The following NUP210 variants were observed in gnomAD, a reference collection of about 807,000 sequenced individuals.
NUP210 encodes the protein nucleoporin 210.
Under a neutral mutation model 196.0 loss-of-function variants are expected in NUP210, and 151 were observed. The observed-to-expected ratio is 0.77, with a 90% CI of 0.67 to 0.88. The LOEUF is 0.88. NUP210 is among the 40% of genes least tolerant of loss of function. The probability of loss-of-function intolerance (pLI) is 0.00; values close to 1 mark genes in which losing one functional copy is unlikely to be tolerated. For synonymous variants in NUP210, 1,070 were observed against 1,052.7 expected (o/e 1.02, Z -0.32); for missense variants, 2,314 against 2,493.7 (o/e 0.93, Z 1.53).
intron 16 of NUP210, among the ~76,000 whole-genome samples, chr3:13,355,621 A>G (rs1698143676): frequency 6.6e-6 from 1 of 152,220 alleles, no homozygotes; most frequent in Non-Finnish European, 1.5e-5. Flanking sequence ...GGCTCCTCCC[A>G]ACTCCTTCTA....
At position 13,336,791 on chromosome 3, in the gene NUP210, T is replaced by C; in HGVS notation, c.3680A>G (p.His1227Arg). The C allele has an allele frequency of 6.2e-7, 1 of 1,613,024 alleles. No individual in the cohort carries two copies. The highest frequency in any genetic ancestry group is 8.5e-7 in the Non-Finnish European group (1 of 1,179,484). ...CTGGAGGGGGTGGTTACCTACCTCG[T>C]GGTGCCGCCCTCGGAGGTCCAGGAC... is the stretch of plus-strand genomic sequence containing the variant. ...RDVLDLRGRH[H>R]EASIRLPSQY... The change falls in exon 27 of 40, where the codon CAC becomes CGC. Residue 1227 changes from histidine (H) to arginine (R), a missense_variant. His to Arg is a conservative substitution (Grantham distance 29). Coordinates refer to ENST00000254508, the MANE Select transcript of NUP210 (RefSeq NM_024923.4).
chr3:13,331,496 T>A (rs994064232), intron 29 of NUP210, among the ~76,000 whole-genome samples: 2 of 152,186 alleles, frequency 1.3e-5, no homozygotes, highest in African/African-American at 4.8e-5. Flanking sequence ...AGCATCTCCA[T>A]CTGGGACATG....
rs1483432143 is a variant in NUP210, at chr3:13,317,186, T to C, written c.*495A>G. 13 of 172,808 alleles carry C rather than the reference T, an allele frequency of 7.5e-5. No individual in the cohort carries two copies. Among genetic ancestry groups the C allele is most frequent in the Non-Finnish European group, 1.2e-4 (10 of 80,284 alleles). 10.7% of individuals were successfully genotyped at this position (172,808 alleles called of 1,614,324 possible). On this transcript the variant is annotated 3_prime_UTR_variant, in exon 40 of 40. Transcript: ENST00000254508. ...CTCATGTCCCATTGCTCCTCAGAAG[T>C]CCTAGCAGCAGCCAGACTAGGGGCA...
intron 33 of NUP210, among the ~76,000 whole-genome samples, chr3:13,324,648 G>A (rs1264809204): frequency 6.6e-6 from 1 of 152,230 alleles, no homozygotes; most frequent in East Asian, 1.9e-4. Flanking sequence ...GCCACACCCA[G>A]TGATCCCAGC....
In NUP210 at chr3:13,379,957, A is replaced by T. The variant is rs1471326848; in HGVS notation, c.818-236T>A. On this transcript the variant is annotated intron_variant, in intron 6 of 39. Coordinates refer to ENST00000254508, the MANE Select transcript of NUP210 (RefSeq NM_024923.4). The surrounding 1 kb of genome is among the most constrained non-coding windows in gnomAD (Gnocchi z 4.2). ...ATCAGTTTTTCTGTGTAAGCTGTTT[A>T]AAAAAAAAATTAACCACAATCTATT... Among the ~76,000 whole-genome samples, 1 of 25,122 alleles carries T rather than the reference A, an allele frequency of 4.0e-5. No individual in the cohort carries two copies. Among genetic ancestry groups the T allele is most frequent in the East Asian group, 5.7e-4 (1 of 1,760 alleles). 16.5% of individuals were successfully genotyped at this position (25,122 alleles called of 152,430 possible).
At chr3:13,351,396 A>T (rs1042260719) in intron 20 of NUP210, among the ~76,000 whole-genome samples, 4 of 152,260 alleles carry the variant, frequency 2.6e-5, no homozygotes, top group African/African-American at 9.6e-5. Context: ...GGGAATACAA[A>T]TCACAAAGGT....
chr3:13,375,436 T>A, intron 11 of NUP210, 68 bp downstream of exon 11: 1 of 1,464,292 alleles, frequency 6.8e-7, no homozygotes, highest in Non-Finnish European at 9.4e-7. Flanking sequence ...AGTAATAGAA[T>A]GGACAAAAAG....
At chr3:13,318,603 A>G (rs1421697991) in intron 39 of NUP210, among the ~76,000 whole-genome samples, 1 of 152,198 alleles carries the variant, frequency 6.6e-6, no homozygotes, top group African/African-American at 2.4e-5. Flanking sequence ...TCACACAGTG[A>G]GGTGCTCCCT....
At chr3:13,353,749 G>T in intron 17 of NUP210, 89 bp from the exon 18 acceptor site, 1 of 1,327,596 alleles carries the variant, frequency 7.5e-7, no homozygotes, top group Non-Finnish European at 1.1e-6. Flanking sequence ...TTGCAGTTTC[G>T]AATCTGAAAA....
In NUP210 at chr3:13,347,875, C is replaced by A. The variant is rs1278414495; in HGVS notation, c.2835+4004G>T. On this transcript the variant is annotated intron_variant, in intron 20 of 39. Transcript: ENST00000254508. This position sits in a 1 kb window ranked among gnomAD's most constrained non-coding sequence, Gnocchi z 4.7. ...TCAGAAGAGACCAGAGGAACCAGGG[C>A]CTGATTGGAGTTGCGAGAGTCTTTG... 6.6e-6 allele frequency among the ~76,000 whole-genome samples: 1 copy of A among 152,226 alleles called. No homozygotes were observed.
chr3:13,358,372 G>C lies in NUP210; in HGVS notation c.2178C>G (p.Asn726Lys). ...GAAAGGGGTTGGTGAGGCTGGGCTTGTTCCCCACCGACAGGGCGATGACCT... is the reference window on the plus strand; with the variant it reads ...GAAAGGGGTTGGTGAGGCTGGGCTTCTTCCCCACCGACAGGGCGATGACCT... ...GEQVIALSVG[N>K]KPSLTNPFPA... is the part of the protein sequence containing the mutation. The change falls in exon 16 of 40, where the codon AAC becomes AAG. Residue 726 changes from asparagine (N) to lysine (K), a missense_variant. Physicochemically the swap from Asn to Lys is moderately conservative, Grantham distance 94. Transcript: ENST00000254508. 1.2e-6 allele frequency: 2 copies of C among 1,612,694 alleles called. No homozygotes were observed. The highest frequency in any genetic ancestry group is 1.7e-6 in the Non-Finnish European group (2 of 1,179,160).
chr3:13,332,133 C>A (rs1028743395), intron 29 of NUP210, among the ~76,000 whole-genome samples, 160 bp downstream of exon 29: 5 of 152,156 alleles, frequency 3.3e-5, no homozygotes, highest in Non-Finnish European at 4.4e-5. Flanking sequence ...AGGAGCACCA[C>A]AGAGAAGAGA....
At chr3:13,391,063 TCAGA>T in intron 4 of NUP210, 144 bp downstream of exon 4, 1 of 633,650 alleles carries the variant, frequency 1.6e-6, no homozygotes, top group South Asian at 1.8e-5. Context: ...CATTCCTCAA[TCAGA>T]CACTCGGAAT....
intron 1 of NUP210, among the ~76,000 whole-genome samples, chr3:13,406,840 C>T (rs1041831307): frequency 6.7e-6 from 1 of 149,952 alleles, no homozygotes. Flanking sequence ...CTGCCCCAAC[C>T]CCCCCCACCC....
At chr3:13,392,640 C>G (rs1699526978) in intron 3 of NUP210, among the ~76,000 whole-genome samples, 1 of 152,198 alleles carries the variant, frequency 6.6e-6, no homozygotes, top group South Asian at 2.1e-4. Flanking sequence ...TGAGACCCTT[C>G]CCGCATACCC....
rs1697926030 is a variant in NUP210, at chr3:13,350,418, C to T, written c.2835+1461G>A. On this transcript the variant is annotated intron_variant, in intron 20 of 39. Coordinates refer to ENST00000254508, the MANE Select transcript of NUP210 (RefSeq NM_024923.4). The surrounding 1 kb of genome is among the most constrained non-coding windows in gnomAD (Gnocchi z 4.1). ...TACATTACCTAAAATGTCCAGTTTC[C>T]AACAATTATAGGACATGAAAAAACA... Among the ~76,000 whole-genome samples the T allele has an allele frequency of 6.6e-6, 1 of 151,188 alleles. No homozygotes were observed. The highest frequency in any genetic ancestry group is 2.1e-4 in the South Asian group (1 of 4,802).
At chr3:13,397,892 T>C (rs1008098195) in intron 2 of NUP210, among the ~76,000 whole-genome samples, 7 of 152,198 alleles carry the variant, frequency 4.6e-5, no homozygotes, top group Non-Finnish European at 1.0e-4. Context: ...GGTTTTCACA[T>C]ATGCTGGTGT....
intron 34 of NUP210, among the ~76,000 whole-genome samples, chr3:13,322,736 A>G (rs551756523): frequency 6.6e-6 from 1 of 152,394 alleles, no homozygotes; most frequent in South Asian, 2.1e-4. Context: ...GCAACGGCAC[A>G]GTGCTGTCCA....
chr3:13,385,273 C>T (rs151286349), intron 6 of NUP210, among the ~76,000 whole-genome samples: 58 of 152,336 alleles, frequency 3.8e-4, no homozygotes, highest in Middle Eastern at 3.4e-3. Flanking sequence ...TCTTAAGTGA[C>T]ACCCTGTATC....
Sources: gnomAD v4.1 joint callset for allele counts (sites outside exome capture counted in the v4.1 genomes callset) on GRCh38, gnomAD v4.1.1 for gene constraint, Gnocchi (gnomAD v3.1) non-coding constraint, MANE v1.5 for transcripts, NCBI Gene and HGNC (gene_info 2026-07-23, HGNC 2026-07-21) for gene names.